Variants in IPO8 observed in about 807,000 individuals in gnomAD.
The protein encoded by IPO8 is importin 8.
A neutral mutation model predicts 141.2 loss-of-function variants in IPO8; 65 were observed. The observed-to-expected ratio is 0.46, with a 90% CI of 0.38 to 0.57. The LOEUF is 0.57. Among genes scored for constraint, IPO8 ranks in the 20% least tolerant of loss-of-function variants. The pLI is 0.00. For synonymous variants in IPO8, 411 were observed against 420.3 expected (o/e 0.98, Z 0.27); for missense variants, 980 against 1,246.8 (o/e 0.79, Z 3.22).
intron 6 of IPO8, 67 bp downstream of exon 6, chr12:30,676,431 G>T: frequency 2.2e-6 from 2 of 922,354 alleles, no homozygotes; most frequent in South Asian, 1.6e-5. Context: ...CAGGGATAAT[G>T]CATCAGTCTA....
intron 1 of IPO8, among the ~76,000 whole-genome samples, chr12:30,692,045 C>A (rs192682967): frequency 5.3e-5 from 8 of 152,272 alleles, no homozygotes; most frequent in African/African-American, 1.9e-4. Flanking sequence ...GCAAAATTAA[C>A]ACAGATTCAC....
intron 6 of IPO8, among the ~76,000 whole-genome samples, chr12:30,675,011 C>G (rs1368933916): frequency 6.6e-6 from 1 of 152,098 alleles, no homozygotes; most frequent in Non-Finnish European, 1.5e-5. Context: ...TACAAAACAC[C>G]ATGGTTCCTT....
In IPO8 at chr12:30,684,436, A is replaced by G; in HGVS notation, c.188T>C (p.Met63Thr). The change falls in exon 3 of 25, where the codon ATG becomes ACG. Residue 63 changes from methionine to threonine, a missense_variant. Around this residue, in one of 3 missense-constraint regions of IPO8, gnomAD observed 16 missense variants for 46.6 expected, o/e 0.34. Coordinates refer to ENST00000256079, the MANE Select transcript of IPO8 (RefSeq NM_006390.4). ...TCGATCTGGCCAGTATTGTGTCACC[A>G]TGTTCTTCAGGTAAATGGCAGCTGA... ...RQAAAIYLKN[M>T]VTQYWPDREP... is the part of the protein sequence containing the mutation. 6.2e-7 allele frequency: 1 copy of G among 1,613,866 alleles called. No individual in the cohort carries two copies.
In IPO8 at chr12:30,680,463, T is replaced by A. The variant is rs374587062; in HGVS notation, c.639+19A>T. The A allele has an allele frequency of 1.0e-5, 16 of 1,594,516 alleles. 1 individual carries two copies. The African/African-American group carries it at 2.2e-4, about 22-fold the overall frequency. Reference sequence around the variant, plus strand: ...AGAAATACAGGACTCCATGTTTGTTTTCTGCAATAGAAACCTACCTGAACA... The same window carrying A: ...AGAAATACAGGACTCCATGTTTGTTATCTGCAATAGAAACCTACCTGAACA... On this transcript the variant is annotated intron_variant, in intron 5 of 24. Coordinates refer to ENST00000256079, the MANE Select transcript of IPO8 (RefSeq NM_006390.4).
chr12:30,661,211 T>C lies in IPO8; in HGVS notation c.1811A>G (p.Lys604Arg). The C allele has an allele frequency of 1.3e-6, 2 of 1,598,844 alleles. No individual in the cohort carries two copies. Among genetic ancestry groups the C allele is most frequent in the South Asian group, 1.1e-5 (1 of 88,956 alleles). The part of the protein sequence containing the change: ...QSDEYEEVED[K>R]TVMAMGILHT... ...TAAAATTCCCATAGCCATTACTGTT[T>C]TGTCTTCAACTTCTTCATATTCATC... Residue 604 changes from lysine (K) to arginine (R), a missense_variant, in exon 16 of 25, where the codon AAA becomes AGA. Transcript: ENST00000256079.
intron 8 of IPO8, among the ~76,000 whole-genome samples, chr12:30,671,681 A>G (rs1164833952): frequency 6.7e-6 from 1 of 150,062 alleles, no homozygotes; most frequent in South Asian, 2.1e-4. Context: ...CCTCAAAAAA[A>G]AAAAAAAAAA....
rs1263455431 is a variant in IPO8 at position 30,695,301 on chromosome 12, GGCAGAA to G, written c.84+257_84+262del. 6.6e-6 allele frequency among the ~76,000 whole-genome samples: 1 copy of G among 152,248 alleles called. No homozygotes were observed. The highest frequency in any genetic ancestry group is 1.5e-5 in the Non-Finnish European group (1 of 68,038). On this transcript the variant is annotated intron_variant, in intron 1 of 24. Transcript: ENST00000256079. This position sits in a 1 kb window ranked among gnomAD's most constrained non-coding sequence, Gnocchi z 4.2. The stretch of plus-strand genomic sequence containing the variant: ...AAAACTGCTTCTTGCGGACCAAGTA[GGCAGAA>G]CAAACTGCCCTGGAGAAGGGAGACG...
At chr12:30,670,261 A>G (rs111318893) in intron 9 of IPO8, among the ~76,000 whole-genome samples, 2 of 152,242 alleles carry the variant, frequency 1.3e-5, no homozygotes, top group Admixed American at 6.5e-5. Context: ...CCTGGACAGC[A>G]AACAGCAAAG....
intron 13 of IPO8, 43 bp from the exon 14 acceptor site, chr12:30,663,697 A>G: frequency 7.0e-7 from 1 of 1,420,614 alleles, no homozygotes; most frequent in Non-Finnish European, 9.5e-7. Flanking sequence ...TTAGGATTAT[A>G]GCATTCTGTA....
rs140372911 is a variant in IPO8 at position 30,661,127 on chromosome 12, C to T, written c.1881+14G>A. ...AATGCTACTATTATATCATAAACCA[C>T]AAAGAAATCTCACCTCTTTATGATC... On this transcript the variant is annotated intron_variant, in intron 16 of 24. Coordinates refer to ENST00000256079, the MANE Select transcript of IPO8 (RefSeq NM_006390.4). 6.7e-7 allele frequency: 1 copy of T among 1,492,024 alleles called. No homozygotes were observed. The highest frequency in any genetic ancestry group is 8.9e-7 in the Non-Finnish European group (1 of 1,119,002). The allele number at this position is 1,492,024 out of a possible 1,614,324, so 92.4% of individuals were successfully genotyped here.
At chr12:30,665,600 AG>A in intron 12 of IPO8, 128 bp downstream of exon 12, 1 of 648,750 alleles carries the variant, frequency 1.5e-6, no homozygotes, top group African/African-American at 1.8e-5. Flanking sequence ...GATGACAGAA[AG>A]GAGGATAGTT....
rs902197084 is a variant in IPO8, at chr12:30,666,209, G to A, written c.1187C>T (p.Thr396Ile). ...TTTCTTTGCAGCAGTATATAAGAGA[G>A]TCTGGGCTGCTGTGGTGGGAGAAGC... is the stretch of plus-strand genomic sequence containing the variant. ...DYASPTTAAQTLLYTAAKKRK... is the reference protein window; with the variant it reads ...DYASPTTAAQILLYTAAKKRK... The change falls in exon 11 of 25, where the codon ACT (threonine) becomes ATT (isoleucine). Residue 396 changes from threonine to isoleucine, a missense_variant. Thr to Ile is a moderately conservative substitution (Grantham distance 89, BLOSUM62 -1). Transcript: ENST00000256079. 1.9e-6 allele frequency: 3 copies of A among 1,595,642 alleles called. No homozygotes were observed. The highest frequency in any genetic ancestry group is 2.6e-6 in the Non-Finnish European group (3 of 1,171,472).
intron 9 of IPO8, 33 bp from the exon 10 acceptor site, chr12:30,669,315 T>C (rs774182147): frequency 2.0e-6 from 2 of 1,022,354 alleles, no homozygotes; most frequent in Non-Finnish European, 1.5e-6. Flanking sequence ...ACGTAACAAA[T>C]GGGTATAGGC....
intron 20 of IPO8, among the ~76,000 whole-genome samples, chr12:30,644,832 T>C (rs866427835): frequency 1.3e-5 from 2 of 151,538 alleles, no homozygotes; most frequent in Non-Finnish European, 2.9e-5. Context: ...TTTGTATTTT[T>C]AGTAGAGACA....
At chr12:30,653,503 A>G (rs567315802) in intron 17 of IPO8, among the ~76,000 whole-genome samples, 19 of 152,198 alleles carry the variant, frequency 1.2e-4, no homozygotes, top group Non-Finnish European at 2.1e-4. Flanking sequence ...ATATCAGACT[A>G]AAGTATCTAC....
In IPO8 at chr12:30,634,205, T is replaced by C; in HGVS notation, c.2777A>G (p.Glu926Gly). ...QSNNGRGEDE[E>G]EEDDDWDEEV... ...TTCATCCCAGTCATCATCTTCCTCC[T>C]CCTCATCTTCACCTCTTCCATTATT... The change falls in exon 23 of 25, where the codon GAG becomes GGG. Residue 926 changes from glutamate (E) to glycine (G), a missense_variant. Coordinates refer to ENST00000256079, the MANE Select transcript of IPO8 (RefSeq NM_006390.4). 6.2e-7 allele frequency: 1 copy of C among 1,613,974 alleles called. No individual in the cohort carries two copies. Among genetic ancestry groups the C allele is most frequent in the Non-Finnish European group, 8.5e-7 (1 of 1,179,868 alleles).
At position 30,671,103 on chromosome 12, in the gene IPO8, G is replaced by A; in HGVS notation, c.910-7C>T. The A allele has an allele frequency of 3.2e-6, 5 of 1,552,978 alleles. No homozygotes were observed. The highest frequency in any genetic ancestry group is 8.9e-7 in the Non-Finnish European group (1 of 1,126,502). On this transcript the variant is annotated splice_region_variant and splice_polypyrimidine_tract_variant and intron_variant, in intron 8 of 24. Transcript: ENST00000256079. ...CTAAAATTTTTAGTAGCACCTATAA[G>A]AAAACAGAAAATACAGACTAACATA...
chr12:30,683,284 C>T (rs2053207308), intron 3 of IPO8, among the ~76,000 whole-genome samples: 1 of 152,190 alleles, frequency 6.6e-6, no homozygotes, highest in African/African-American at 2.4e-5. Context: ...TTAACCAGTA[C>T]ACCTATTTTC....
intron 2 of IPO8, among the ~76,000 whole-genome samples, chr12:30,684,910 AC>A (rs2053224806): frequency 6.6e-6 from 1 of 152,100 alleles, no homozygotes; most frequent in Non-Finnish European, 1.5e-5. Flanking sequence ...TTTTCATCCA[AC>A]CTTTTTGAAA....
Sources: allele counts gnomAD v4.1 joint callset (sites outside exome capture counted in the v4.1 genomes callset), GRCh38; gene constraint gnomAD v4.1.1; regional missense constraint gnomAD v4.1.1; non-coding constraint Gnocchi (gnomAD v3.1); transcripts MANE v1.5; gene names NCBI Gene and HGNC (gene_info 2026-07-23, HGNC 2026-07-21).